KCND2: variants seen among roughly 807,000 people sequenced by gnomAD.
The protein encoded by KCND2 is potassium voltage-gated channel subfamily D member 2.
KCND2 carries 16 observed loss-of-function variants against 54.4 expected under a neutral mutation model. That is an observed-to-expected ratio of 0.29 (90% CI 0.20 to 0.45). The LOEUF is 0.45. KCND2 is among the 20% of genes least tolerant of loss of function. The probability of loss-of-function intolerance (pLI) is 1.00; values close to 1 mark genes in which losing one functional copy is unlikely to be tolerated. For synonymous variants in KCND2, 317 were observed against 310.7 expected (o/e 1.02, Z -0.21); for missense variants, 486 against 824.2 (o/e 0.59, Z 5.02).
At chr7:120,592,517 G>A (rs1424591200) in intron 1 of KCND2, among the ~76,000 whole-genome samples, 3 of 152,174 alleles carry the variant, frequency 2.0e-5, no homozygotes, top group Non-Finnish European at 2.9e-5. Flanking sequence ...GGATCATAGA[G>A]GGAGACTCTG....
chr7:120,277,660 G>C (rs1056248164), intron 1 of KCND2, among the ~76,000 whole-genome samples: 1 of 151,940 alleles, frequency 6.6e-6, no homozygotes, highest in Non-Finnish European at 1.5e-5. Context: ...TACTAGACTT[G>C]AGAAGTTAGC....
intron 3 of KCND2, 53 bp downstream of exon 3, chr7:120,741,682 G>T: frequency 8.3e-7 from 1 of 1,203,148 alleles, no homozygotes; most frequent in South Asian, 1.2e-5. Context: ...GTTTAATATT[G>T]ATTTAGTTCT....
chr7:120,629,239 C>G (rs545246283), intron 1 of KCND2, among the ~76,000 whole-genome samples: 59 of 152,248 alleles, frequency 3.9e-4, no homozygotes, highest in African/African-American at 1.3e-3. Context: ...TGTAATCCCA[C>G]CACTTTGGGA....
intron 1 of KCND2, among the ~76,000 whole-genome samples, chr7:120,321,471 A>G (rs1473411838): frequency 6.6e-6 from 1 of 152,092 alleles, no homozygotes; most frequent in Non-Finnish European, 1.5e-5. Context: ...CAGATTTTTA[A>G]CATAATTTGT....
chr7:120,578,938 A>ACACG (rs1367995501), intron 1 of KCND2, among the ~76,000 whole-genome samples: 1 of 151,962 alleles, frequency 6.6e-6, no homozygotes, highest in African/African-American at 2.4e-5. Flanking sequence ...ACACACACAC[A>ACACG]CACGCACACA....
At chr7:120,424,023 G>A (rs959531322) in intron 1 of KCND2, among the ~76,000 whole-genome samples, 3 of 152,098 alleles carry the variant, frequency 2.0e-5, no homozygotes, top group Admixed American at 1.3e-4. Context: ...CATAAAATTG[G>A]TAGATTATCC....
At chr7:120,734,231 G>A (rs111599390) in intron 2 of KCND2, among the ~76,000 whole-genome samples, 109 of 152,170 alleles carry the variant, frequency 7.2e-4, no homozygotes, top group African/African-American at 2.4e-3. Context: ...AAAACTCAGC[G>A]GTTGGCACAA....
chr7:120,416,836 G>A (rs563503319), intron 1 of KCND2, among the ~76,000 whole-genome samples: 2 of 151,774 alleles, frequency 1.3e-5, no homozygotes, highest in South Asian at 4.2e-4. Context: ...ACATGATGCA[G>A]GTATTTAGAA....
chr7:120,320,187 A>G (rs1393727077), intron 1 of KCND2, among the ~76,000 whole-genome samples: 2 of 151,984 alleles, frequency 1.3e-5, no homozygotes, highest in East Asian at 3.9e-4. Context: ...TGTAGGGAAG[A>G]CAGGCACGTA....
At chr7:120,346,164 T>G (rs1457046145) in intron 1 of KCND2, among the ~76,000 whole-genome samples, 1 of 152,212 alleles carries the variant, frequency 6.6e-6, no homozygotes, top group Admixed American at 6.5e-5. Flanking sequence ...GTTGAGACCC[T>G]TTGGCCATTT....
At chr7:120,341,038 A>G (rs192877926) in intron 1 of KCND2, among the ~76,000 whole-genome samples, 1 of 152,304 alleles carries the variant, frequency 6.6e-6, no homozygotes, top group Admixed American at 6.5e-5. Flanking sequence ...GGAAGGTTTT[A>G]CTGAGGAGAG....
intron 1 of KCND2, among the ~76,000 whole-genome samples, chr7:120,653,145 A>T (rs1482259067): frequency 1.3e-5 from 2 of 149,578 alleles, no homozygotes; most frequent in Non-Finnish European, 3.0e-5. Context: ...AAATCCTCTC[A>T]CCTCAGCCTC....
chr7:120,547,470 T>TGG (rs1228800956), intron 1 of KCND2, among the ~76,000 whole-genome samples: 1 of 151,992 alleles, frequency 6.6e-6, no homozygotes, highest in Non-Finnish European at 1.5e-5. Context: ...CCTATTGCTC[T>TGG]GGCAAAATGA....
chr7:120,285,391 C>A (rs2116264025), intron 1 of KCND2, among the ~76,000 whole-genome samples: 1 of 151,532 alleles, frequency 6.6e-6, no homozygotes, highest in East Asian at 1.9e-4. Context: ...TTTATTATAT[C>A]TGAATATACA....
At chr7:120,723,024 A>G (rs1267871798) in intron 1 of KCND2, among the ~76,000 whole-genome samples, 2 of 152,184 alleles carry the variant, frequency 1.3e-5, no homozygotes, top group African/African-American at 4.8e-5. Flanking sequence ...AGCAGCGGTG[A>G]CTAGAACCAT....
intron 1 of KCND2, among the ~76,000 whole-genome samples, chr7:120,348,384 AAG>A (rs969581945): frequency 1.3e-4 from 20 of 152,272 alleles, no homozygotes; most frequent in African/African-American, 4.6e-4. Flanking sequence ...GTTTTTATGA[AAG>A]CCTATCATGA....
At chr7:120,302,502 C>T (rs1346911383) in intron 1 of KCND2, among the ~76,000 whole-genome samples, 1 of 152,112 alleles carries the variant, frequency 6.6e-6, no homozygotes, top group East Asian at 1.9e-4. Flanking sequence ...AACTCTTGAG[C>T]TAAAGCCATC....
chr7:120,309,470 T>C (rs375245076), intron 1 of KCND2, among the ~76,000 whole-genome samples: 14,184 of 123,992 alleles, frequency 0.11, 883 homozygotes, highest in African/African-American at 0.14. Flanking sequence ...TATATATATA[T>C]ATATACACAC....
intron 1 of KCND2, among the ~76,000 whole-genome samples, chr7:120,278,952 C>A (rs1259631106): frequency 2.0e-5 from 3 of 151,576 alleles, no homozygotes; most frequent in Admixed American, 6.6e-5. Context: ...TTCACAGGTC[C>A]CTGAATCACC....
Sources: gnomAD v4.1 joint callset for allele counts (sites outside exome capture counted in the v4.1 genomes callset) on GRCh38, gnomAD v4.1.1 for gene constraint, MANE v1.5 for transcripts, NCBI Gene and HGNC (gene_info 2026-07-23, HGNC 2026-07-21) for gene names.